Variants in CHERP observed in about 807,000 individuals in gnomAD.
CHERP encodes calcium homeostasis endoplasmic reticulum protein.
A neutral mutation model predicts 113.8 loss-of-function variants in CHERP; 8 were observed. That is an observed-to-expected ratio of 0.07 (90% confidence interval 0.04 to 0.13). The LOEUF (loss-of-function observed/expected upper bound fraction) is 0.13. CHERP is among the 10% of genes least tolerant of loss of function. The pLI is 1.00. For synonymous variants in CHERP, 559 were observed against 524.5 expected (o/e 1.07, Z -0.90); for missense variants, 884 against 1,298.2 (o/e 0.68, Z 4.90).
Position 16,541,946 on chromosome 19 carries a change from G to A in CHERP, c.123C>T (p.Asn41=). ...EKMTMEKQKD[N]PKFSFLFGGE... is the part of the protein sequence containing the mutation. ...CTCCGAAAAGAAACGAGAATTTGGG[G>A]TTGTCCTTCTGCTTCTCCATAGTCA... Residue 41 remains asparagine, a synonymous_variant, in exon 2 of 17, where the codon AAC becomes AAT. Transcript: ENST00000546361. The A allele has an allele frequency of 6.2e-7, 1 of 1,614,116 alleles. No homozygotes were observed. Among genetic ancestry groups the A allele is most frequent in the Non-Finnish European group, 8.5e-7 (1 of 1,179,988 alleles).
At position 16,529,754 on chromosome 19, in the gene CHERP, C is replaced by T. The variant is rs2098112009; in HGVS notation, c.1023G>A (p.Gln341=). ...QQQQQQQQQQ[Q]LQMPQMEAEV... ...CAGCCTCCATCTGCGGCATCTGGAG[C>T]TGCTGCTGCTGCTGTTGCTGCTGCT... Residue 341 remains glutamine (Q), a synonymous_variant, in exon 8 of 17, where the codon CAG becomes CAA. Transcript: ENST00000546361. 3 of 1,607,598 alleles carry T rather than the reference C, an allele frequency of 1.9e-6. No individual in the cohort carries two copies. The highest frequency in any genetic ancestry group is 1.1e-5 in the South Asian group (1 of 90,830).
intron 3 of CHERP, among the ~76,000 whole-genome samples, chr19:16,534,403 G>A (rs1444507015): frequency 2.6e-5 from 4 of 152,140 alleles, no homozygotes; most frequent in African/African-American, 9.7e-5. Flanking sequence ...ACCTAGTACT[G>A]AGCGTGGGGT....
At chr19:16,529,998 G>C in intron 7 of CHERP, 98 bp from the exon 8 acceptor site, 1 of 1,465,978 alleles carries the variant, frequency 6.8e-7, no homozygotes, top group South Asian at 1.3e-5. Flanking sequence ...GAGCCTGGGG[G>C]ACCTGGGGCA....
chr19:16,537,799 T>C (rs919907588), intron 2 of CHERP, among the ~76,000 whole-genome samples: 1 of 152,206 alleles, frequency 6.6e-6, no homozygotes. Flanking sequence ...TTGCCACTTA[T>C]GGAGTGGTCC....
chr19:16,519,592 C>T lies in CHERP; in HGVS notation c.2557+29G>A, dbSNP rs530682723. On this transcript the variant is annotated intron_variant, in intron 16 of 16. Transcript: ENST00000546361. This position sits in a 1 kb window ranked among gnomAD's most constrained non-coding sequence, Gnocchi z 6.0. ...GGGCCCAGCACGCGTGAGGACCCATCCCGCGCCCTCCCCATTCCCTCGCCT... is the reference window on the plus strand; with the variant it reads ...GGGCCCAGCACGCGTGAGGACCCATTCCGCGCCCTCCCCATTCCCTCGCCT... 4.6e-5 allele frequency: 72 copies of T among 1,578,878 alleles called. No individual in the cohort carries two copies. In the East Asian group the frequency reaches 1.5e-3, roughly 34 times the overall value.
In CHERP at chr19:16,530,864, G is replaced by A. The variant is rs867789133; in HGVS notation, c.691C>T (p.Arg231Trp). The change falls in exon 6 of 17, where the codon CGG (arginine) becomes TGG (tryptophan). Residue 231 changes from arginine (R) to tryptophan (W), a missense_variant. Transcript: ENST00000546361. The surrounding 1 kb of genome is among the most constrained non-coding windows in gnomAD (Gnocchi z 4.1). ...TTCTGCAGGGCGGCCAGCAGCTCCC[G>A]GGCCTGCTTGCGCTGGCTGTGAGGG... is the stretch of plus-strand genomic sequence containing the variant. Reference protein sequence around the residue: ...VLHHCQRKQARELLAALQKVV... With the variant: ...VLHHCQRKQAWELLAALQKVV... The A allele has an allele frequency of 3.1e-6, 5 of 1,613,428 alleles. No individual in the cohort carries two copies. Among genetic ancestry groups the A allele is most frequent in the Non-Finnish European group, 4.2e-6 (5 of 1,179,930 alleles).
At chr19:16,539,529 C>A (rs891872485) in intron 2 of CHERP, among the ~76,000 whole-genome samples, 1 of 152,104 alleles carries the variant, frequency 6.6e-6, no homozygotes, top group Non-Finnish European at 1.5e-5. Context: ...ATTTTGCTTA[C>A]GATTTCAGGC....
chr19:16,541,508 G>C (rs886874141), intron 2 of CHERP: 2 of 200,674 alleles, frequency 1.0e-5, no homozygotes, highest in Non-Finnish European at 2.0e-5. Flanking sequence ...GACGGCAAAG[G>C]GGGCTGGACA....
At position 16,525,158 on chromosome 19, in the gene CHERP, G is replaced by A; in HGVS notation, c.1741+84C>T. ...CACTGTGCACTCAGGAGCATGGCAG[G>A]GCCACAAGCAGCGCCACCAGCCTGC... On this transcript the variant is annotated intron_variant, in intron 10 of 16. Coordinates refer to ENST00000546361, the MANE Select transcript of CHERP (RefSeq NM_006387.6). This position sits in a 1 kb window ranked among gnomAD's most constrained non-coding sequence, Gnocchi z 6.5. 1 of 1,256,232 alleles carries A rather than the reference G, an allele frequency of 8.0e-7. No homozygotes were observed. The highest frequency in any genetic ancestry group is 1.9e-5 in the South Asian group (1 of 51,618). 77.8% of individuals were successfully genotyped at this position (1,256,232 alleles called of 1,614,324 possible).
At chr19:16,539,521 T>C (rs1033303429) in intron 2 of CHERP, among the ~76,000 whole-genome samples, 1 of 151,948 alleles carries the variant, frequency 6.6e-6, no homozygotes, top group Non-Finnish European at 1.5e-5. Flanking sequence ...CATACAATAT[T>C]TTGCTTACGA....
chr19:16,534,437 C>G (rs545649118), intron 3 of CHERP, among the ~76,000 whole-genome samples: 1 of 151,914 alleles, frequency 6.6e-6, no homozygotes, highest in Non-Finnish European at 1.5e-5. Context: ...GTTTGGTATT[C>G]TATTCCTCTC....
chr19:16,531,220 C>A (rs1293149160), intron 5 of CHERP, among the ~76,000 whole-genome samples: 1 of 152,226 alleles, frequency 6.6e-6, no homozygotes, highest in Non-Finnish European at 1.5e-5. Flanking sequence ...GGAGCCCCTG[C>A]CTGTGTATGA....
At chr19:16,521,036 G>T in intron 12 of CHERP, 124 bp from the exon 13 acceptor site, 1 of 805,670 alleles carries the variant, frequency 1.2e-6, no homozygotes, top group Non-Finnish European at 2.1e-6. Context: ...TGTGGGCTCC[G>T]AGCATGGGCG....
rs377302198 is a variant in CHERP at position 16,530,899 on chromosome 19, C to T, written c.675-19G>A. 16 of 1,610,750 alleles carry T rather than the reference C, an allele frequency of 9.9e-6. No homozygotes were observed. Among genetic ancestry groups the T allele is most frequent in the Non-Finnish European group, 1.4e-5 (16 of 1,179,386 alleles). ...GCGCTGGCTGTGAGGGAGAGACTTT[C>T]CGCGCGTCAGGGCCCTGGGGCGGGA... On this transcript the variant is annotated intron_variant, in intron 5 of 16. Transcript: ENST00000546361. This position sits in a 1 kb window ranked among gnomAD's most constrained non-coding sequence, Gnocchi z 4.1.
chr19:16,528,031 T>A (rs764689738), intron 9 of CHERP, 49 bp downstream of exon 9: 39 of 1,584,692 alleles, frequency 2.5e-5, no homozygotes, highest in Non-Finnish European at 3.3e-5. Context: ...GGCTACCCCA[T>A]CAGGCCAAGT....
At position 16,525,249 on chromosome 19, in the gene CHERP, G is replaced by A; in HGVS notation, c.1734C>T (p.Phe578=). 2.1e-6 allele frequency: 3 copies of A among 1,428,918 alleles called. No homozygotes were observed. The highest frequency in any genetic ancestry group is 2.8e-6 in the Non-Finnish European group (3 of 1,089,404). 88.5% of individuals were successfully genotyped at this position (1,428,918 alleles called of 1,614,324 possible). A position where few individuals can be genotyped will look rare whatever the true frequency, so the allele number is the denominator to read the frequency against. The change falls in exon 10 of 17, where the codon TTC becomes TTT. Residue 578 remains phenylalanine, a synonymous_variant. Transcript: ENST00000546361. This position sits in a 1 kb window ranked among gnomAD's most constrained non-coding sequence, Gnocchi z 6.5. ...AGGCGCCCGTACACTCACCGGCAGGGAAGTCCCCCTGGGGGTAGTCGAAGC... is the reference window on the plus strand; with the variant it reads ...AGGCGCCCGTACACTCACCGGCAGGAAAGTCCCCCTGGGGGTAGTCGAAGC... ...PHRFDYPQGD[F]PAEMGPPHHH...
Position 16,521,514 on chromosome 19 carries a change from C to T in CHERP, c.2114+7G>A, listed in dbSNP as rs918900890. 1.9e-6 allele frequency: 3 copies of T among 1,584,846 alleles called. No homozygotes were observed. Among genetic ancestry groups the T allele is most frequent in the Non-Finnish European group, 2.6e-6 (3 of 1,167,580 alleles). On this transcript the variant is annotated splice_region_variant and intron_variant, in intron 12 of 16. Transcript: ENST00000546361. Reference sequence around the variant, plus strand: ...TCCCGCCCACCCCACTGACCTGGGCCCCTTACCTGTTCCTGGGCCTGTCGT... The same window carrying T: ...TCCCGCCCACCCCACTGACCTGGGCTCCTTACCTGTTCCTGGGCCTGTCGT...
At chr19:16,534,195 C>A (rs147240403) in intron 3 of CHERP, among the ~76,000 whole-genome samples, 1 of 152,256 alleles carries the variant, frequency 6.6e-6, no homozygotes, top group Admixed American at 6.5e-5. Flanking sequence ...GGACTACAGA[C>A]ACCTGTCACT....
chr19:16,518,343 G>C lies in CHERP; in HGVS notation c.*816C>G, dbSNP rs559938754. 6.6e-6 allele frequency: 1 copy of C among 152,140 alleles called. No individual in the cohort carries two copies. Among genetic ancestry groups the C allele is most frequent in the African/African-American group, 2.4e-5 (1 of 41,498 alleles). The allele number at this position is 152,140 out of a possible 1,614,324, so 9.4% of individuals were successfully genotyped here. A position where few individuals can be genotyped will look rare whatever the true frequency, so the allele number is the denominator to read the frequency against. On this transcript the variant is annotated 3_prime_UTR_variant, in exon 17 of 17. Coordinates refer to ENST00000546361, the MANE Select transcript of CHERP (RefSeq NM_006387.6). ...TCTTCCAAGTGCAAAACTCAAGCAG[G>C]GGACGCGACGGGCACAGACTCCGAG...
Sources: gnomAD v4.1 joint callset for allele counts (sites outside exome capture counted in the v4.1 genomes callset) on GRCh38, gnomAD v4.1.1 for gene constraint, Gnocchi (gnomAD v3.1) non-coding constraint, MANE v1.5 for transcripts, NCBI Gene and HGNC (gene_info 2026-07-23, HGNC 2026-07-21) for gene names.